The following DCC variants were observed in gnomAD, a reference collection of about 807,000 sequenced individuals.
DCC encodes netrin receptor DCC.
A neutral mutation model predicts 172.5 loss-of-function variants in DCC; 58 were observed. The observed-to-expected ratio is 0.34, with a 90% CI of 0.27 to 0.42. The LOEUF (loss-of-function observed/expected upper bound fraction) is 0.42. Among genes scored for constraint, DCC ranks in the 10% least tolerant of loss-of-function variants. The probability of loss-of-function intolerance (pLI) is 1.00; values close to 1 mark genes in which losing one functional copy is unlikely to be tolerated. For missense variants in DCC, 1,740 were observed against 1,791.0 expected (o/e 0.97, Z 0.51); for synonymous variants, 709 against 644.5 (o/e 1.10, Z -1.52).
intron 1 of DCC, among the ~76,000 whole-genome samples, chr18:52,473,838 G>A (rs1368402605): frequency 1.3e-5 from 2 of 152,002 alleles, no homozygotes; most frequent in African/African-American, 4.8e-5. Flanking sequence ...CCTCAGCAGA[G>A]TCATTGATTG....
Position 53,250,920 on chromosome 18 carries a change from G to A in DCC, c.1911+35323G>A, listed in dbSNP as rs371899410. 3.7e-4 allele frequency among the ~76,000 whole-genome samples: 56 copies of A among 151,960 alleles called. 1 individual carries two copies. The South Asian group carries it at 8.9e-3, about 24-fold the overall frequency. On this transcript the variant is annotated intron_variant, in intron 12 of 28. Transcript: ENST00000442544. ...AAACCTGTTCTCATCGAGGTCATCC[G>A]TGACCTCTATGCTGTTCTTTCCGAA...
At chr18:52,872,087 G>A (rs1306191854) in intron 2 of DCC, among the ~76,000 whole-genome samples, 1 of 152,088 alleles carries the variant, frequency 6.6e-6, no homozygotes, top group Non-Finnish European at 1.5e-5. Flanking sequence ...ATATAAGGCA[G>A]ATTAATAAAA....
At chr18:52,955,100 G>C (rs1161643524) in intron 5 of DCC, among the ~76,000 whole-genome samples, 2 of 152,036 alleles carry the variant, frequency 1.3e-5, no homozygotes, top group Non-Finnish European at 2.9e-5. Flanking sequence ...TTCACCCTTG[G>C]TGTTGTACAT....
chr18:53,479,688 T>C (rs1568159003), intron 25 of DCC, among the ~76,000 whole-genome samples: 1 of 152,148 alleles, frequency 6.6e-6, no homozygotes, highest in Non-Finnish European at 1.5e-5. Flanking sequence ...AAAGGGTTGG[T>C]GAAAGTAAAT....
At chr18:53,015,119 C>G (rs2041790527) in intron 5 of DCC, among the ~76,000 whole-genome samples, 1 of 152,138 alleles carries the variant, frequency 6.6e-6, no homozygotes, top group African/African-American at 2.4e-5. Context: ...TAGACTATCA[C>G]TAGATTTTGC....
chr18:53,261,732 C>T (rs2056606181), intron 12 of DCC, among the ~76,000 whole-genome samples: 1 of 152,104 alleles, frequency 6.6e-6, no homozygotes, highest in African/African-American at 2.4e-5. Context: ...ATCTCCTGAC[C>T]TTGTGATCCA....
At chr18:52,861,323 A>C (rs762986327) in intron 2 of DCC, among the ~76,000 whole-genome samples, 14 of 152,212 alleles carry the variant, frequency 9.2e-5, no homozygotes, top group Non-Finnish European at 1.6e-4. Context: ...AGTCAACTTC[A>C]ATTCCTCAAA....
intron 1 of DCC, among the ~76,000 whole-genome samples, chr18:52,346,016 T>C (rs796524592): frequency 9.2e-5 from 14 of 152,300 alleles, no homozygotes; most frequent in African/African-American, 2.6e-4. Context: ...TTTTTCAAAG[T>C]TACTACTTTT....
chr18:52,965,149 T>A (rs1370131463), intron 5 of DCC: 1 of 152,184 alleles, frequency 6.6e-6, no homozygotes, highest in Non-Finnish European at 1.5e-5. Flanking sequence ...ATGTGCAGAT[T>A]CCAGGGATTA....
chr18:52,907,517 G>T (rs1386829282), intron 3 of DCC, among the ~76,000 whole-genome samples: 1 of 151,890 alleles, frequency 6.6e-6, no homozygotes, highest in African/African-American at 2.4e-5. Flanking sequence ...CCCAGTCTCA[G>T]GTGTTCCTCC....
chr18:53,440,684 T>C (rs2145129297), intron 22 of DCC, among the ~76,000 whole-genome samples: 1 of 152,324 alleles, frequency 6.6e-6, no homozygotes, highest in South Asian at 2.1e-4. Flanking sequence ...TACAGCTTTT[T>C]TTCCAGATGA....
chr18:53,111,232 C>T (rs2043325905), intron 7 of DCC, among the ~76,000 whole-genome samples: 1 of 119,128 alleles, frequency 8.4e-6, no homozygotes, highest in African/African-American at 3.3e-5. Context: ...GGGAACATCA[C>T]ACTCTGGGGA....
intron 7 of DCC, among the ~76,000 whole-genome samples, chr18:53,092,063 C>T (rs918679069): frequency 6.6e-6 from 1 of 152,018 alleles, no homozygotes; most frequent in Non-Finnish European, 1.5e-5. Flanking sequence ...AAATTCAATA[C>T]AGTAGTAGAA....
At chr18:53,006,469 A>C (rs1213630874) in intron 5 of DCC, among the ~76,000 whole-genome samples, 3 of 152,234 alleles carry the variant, frequency 2.0e-5, no homozygotes, top group Admixed American at 2.0e-4. Flanking sequence ...AACTAGCAAA[A>C]GAGAAACTAG....
In DCC at chr18:53,369,108, C is replaced by A. The variant is rs2058034231; in HGVS notation, c.2360-16935C>A. Among the ~76,000 whole-genome samples, 6 of 151,996 alleles carry A rather than the reference C, an allele frequency of 3.9e-5. No homozygotes were observed. The South Asian group carries it at 1.2e-3, about 32-fold the overall frequency. On this transcript the variant is annotated intron_variant, in intron 15 of 28. Coordinates refer to ENST00000442544, the MANE Select transcript of DCC (RefSeq NM_005215.4). ...TCTATATATTTAAAGTCTTTAATTTCTTTTGCAGTGCTTAATTGTTTTTAC... is the reference window on the plus strand; with the variant it reads ...TCTATATATTTAAAGTCTTTAATTTATTTTGCAGTGCTTAATTGTTTTTAC...
At chr18:52,844,580 A>G (rs1482475201) in intron 2 of DCC, among the ~76,000 whole-genome samples, 1 of 152,200 alleles carries the variant, frequency 6.6e-6, no homozygotes, top group African/African-American at 2.4e-5. Context: ...TTTATCTAAT[A>G]TATGTTGAGG....
intron 12 of DCC, among the ~76,000 whole-genome samples, chr18:53,259,044 T>A (rs200938026): frequency 6.6e-6 from 1 of 152,122 alleles, no homozygotes; most frequent in African/African-American, 2.4e-5. Context: ...CTGCCTTTTT[T>A]TTGTTTTCCA....
intron 3 of DCC, among the ~76,000 whole-genome samples, chr18:52,907,221 C>A: frequency 1.3e-5 from 1 of 75,888 alleles, no homozygotes; most frequent in African/African-American, 4.6e-5. Context: ...TGATATATAT[C>A]ATATATACTT....
intron 1 of DCC, among the ~76,000 whole-genome samples, chr18:52,587,490 A>G (rs2033701281): frequency 6.6e-6 from 1 of 152,220 alleles, no homozygotes; most frequent in East Asian, 1.9e-4. Context: ...GACCACTCAG[A>G]GAAGTCCATC....
Sources: gnomAD v4.1 joint callset for allele counts (sites outside exome capture counted in the v4.1 genomes callset) on GRCh38, gnomAD v4.1.1 for gene constraint, MANE v1.5 for transcripts, NCBI Gene and HGNC (gene_info 2026-07-23, HGNC 2026-07-21) for gene names.